Variants in RRM2 observed in about 807,000 individuals in gnomAD.
The protein encoded by RRM2 is ribonucleoside-diphosphate reductase subunit M2.
In RRM2, 6 loss-of-function variants were observed where a neutral mutation model predicts 45.9. The ratio of observed to expected loss-of-function variants is 0.13; its 90% CI spans 0.07 to 0.26. The LOEUF (loss-of-function observed/expected upper bound fraction) is 0.26. Ranked by LOEUF, RRM2 falls within the 10% of genes least tolerant of loss-of-function variation. The pLI is 1.00. For synonymous variants in RRM2, 177 were observed against 173.0 expected (o/e 1.02, Z -0.18); for missense variants, 343 against 489.5 (o/e 0.70, Z 2.82).
chr2:10,149,419 G>T (rs1423709273), intron 3 of RRM2, among the ~76,000 whole-genome samples: 3 of 152,156 alleles, frequency 2.0e-5, no homozygotes, highest in African/African-American at 7.2e-5. Flanking sequence ...GTGAGTCACT[G>T]CGCCCAGCCC....
At position 10,127,322 on chromosome 2, in the gene RRM2, C is replaced by T; in HGVS notation, c.798+102C>T. On this transcript the variant is annotated intron_variant, in intron 7 of 9. Coordinates refer to ENST00000304567, the MANE Select transcript of RRM2 (RefSeq NM_001034.4). This position sits in a 1 kb window ranked among gnomAD's most constrained non-coding sequence, Gnocchi z 4.1. ...ACCTGAGATGCTAGATGGCATATATCCACATTTAATGTGTGAGTTCAACCA... is the reference window on the plus strand; with the variant it reads ...ACCTGAGATGCTAGATGGCATATATTCACATTTAATGTGTGAGTTCAACCA... 1 of 1,190,948 alleles carries T rather than the reference C, an allele frequency of 8.4e-7. No individual in the cohort carries two copies. The highest frequency in any genetic ancestry group is 1.2e-6 in the Non-Finnish European group (1 of 841,822). 73.8% of individuals were successfully genotyped at this position (1,190,948 alleles called of 1,614,324 possible).
In RRM2 at chr2:10,163,929, G is replaced by A. The variant is rs111920105; in HGVS notation, n.482+21554G>A. 9.9e-3 allele frequency among the ~76,000 whole-genome samples: 1,511 copies of A among 152,266 alleles called. 32 individuals are homozygous for A. Among genetic ancestry groups the A allele is most frequent in the African/African-American group, 0.035 (1,442 of 41,542 alleles). On this transcript the variant is annotated intron_variant and non_coding_transcript_variant, in intron 3 of 3. Transcript: ENST00000381786. ...CATGAAAAAGATGACAGGAATGCCC[G>A]TTGTTCTTCCTATGGCATCAGGAAA...
At chr2:10,151,247 T>G (rs927651466) in intron 3 of RRM2, among the ~76,000 whole-genome samples, 2 of 152,236 alleles carry the variant, frequency 1.3e-5, no homozygotes, top group African/African-American at 4.8e-5. Context: ...TGGGGCTGTT[T>G]CCAGCTTTTG....
Position 10,123,456 on chromosome 2 carries a change from A to G in RRM2, c.244A>G (p.Ile82Val), listed in dbSNP as rs773664894. The change falls in exon 3 of 10, where the codon ATC becomes GTC. Residue 82 changes from isoleucine to valine, a missense_variant. By Grantham distance (29) the Ile-to-Val change is conservative. This residue lies in a region of RRM2 where 131 missense variants were observed against 121.4 expected (regional missense o/e 1.08). Transcript: ENST00000304567. Reference sequence around the variant, plus strand: ...GAGAGAAAACCCCCGCCGCTTTGTCATCTTCCCCATCGAGTACCATGATAT... The same window carrying G: ...GAGAGAAAACCCCCGCCGCTTTGTCGTCTTCCCCATCGAGTACCATGATAT... ...LLRENPRRFVIFPIEYHDIWQ... is the reference protein window; with the variant it reads ...LLRENPRRFVVFPIEYHDIWQ... 5.6e-6 allele frequency: 9 copies of G among 1,614,054 alleles called. No homozygotes were observed. The African/African-American group carries it at 1.1e-4, about 19-fold the overall frequency.
At chr2:10,170,433 G>A (rs1007560280) in intron 3 of RRM2, among the ~76,000 whole-genome samples, 4 of 152,158 alleles carry the variant, frequency 2.6e-5, no homozygotes, top group Non-Finnish European at 5.9e-5. Context: ...CTGGAACCAG[G>A]GGGGAATTTC....
Position 10,127,350 on chromosome 2 carries a change from C to T in RRM2, c.798+130C>T. ...CATTTAATGTGTGAGTTCAACCATA[C>T]ACATACTTGACAAAAGAAGGAAATA... On this transcript the variant is annotated intron_variant, in intron 7 of 9. Transcript: ENST00000304567. This position sits in a 1 kb window ranked among gnomAD's most constrained non-coding sequence, Gnocchi z 4.1. 1 of 858,916 alleles carries T rather than the reference C, an allele frequency of 1.2e-6. No homozygotes were observed. Among genetic ancestry groups the T allele is most frequent in the East Asian group, 2.6e-5 (1 of 38,052 alleles). 53.2% of individuals were successfully genotyped at this position (858,916 alleles called of 1,614,324 possible).
At chr2:10,128,275 CTT>C (rs1329734980) in intron 7 of RRM2, among the ~76,000 whole-genome samples, 1 of 152,106 alleles carries the variant, frequency 6.6e-6, no homozygotes, top group Non-Finnish European at 1.5e-5. Flanking sequence ...TAGTGTATGT[CTT>C]TGATTAAGTC....
chr2:10,133,836 A>G (rs1460979069), downstream of RRM2, among the ~76,000 whole-genome samples: 1 of 151,996 alleles, frequency 6.6e-6, no homozygotes, highest in Admixed American at 6.5e-5. Flanking sequence ...TAAGGAACCG[A>G]ACTCCTCTTG....
chr2:10,199,300 AG>A (rs1467200584), intron 3 of RRM2: 6 of 140,874 alleles, frequency 4.3e-5, no homozygotes, highest in African/African-American at 1.6e-4. Flanking sequence ...GGGGGGGGGA[AG>A]GAAAAGAAAA....
intron 3 of RRM2, among the ~76,000 whole-genome samples, chr2:10,194,550 C>T (rs1001839371): frequency 8.5e-5 from 13 of 152,252 alleles, no homozygotes; most frequent in East Asian, 3.9e-4. Context: ...TGCACTTCTC[C>T]GTCCTGCTTC....
chr2:10,179,306 C>A (rs1170403292), intron 3 of RRM2, among the ~76,000 whole-genome samples: 1 of 152,072 alleles, frequency 6.6e-6, no homozygotes, highest in Non-Finnish European at 1.5e-5. Context: ...CACATGCCAC[C>A]ACGCCCGGCT....
chr2:10,177,622 G>A (rs575864262), intron 3 of RRM2, among the ~76,000 whole-genome samples: 38 of 152,126 alleles, frequency 2.5e-4, no homozygotes, highest in African/African-American at 7.7e-4. Flanking sequence ...CACCACCACA[G>A]TTCCAATGCT....
chr2:10,210,516 T>A, exon 4 of RRM2: 1 of 1,367,348 alleles, frequency 7.3e-7, no homozygotes, highest in Non-Finnish European at 9.8e-7. Flanking sequence ...GCTCCAAGCT[T>A]CAGCATATCC....
intron 3 of RRM2, among the ~76,000 whole-genome samples, chr2:10,197,718 AG>A (rs1337115302): frequency 6.6e-6 from 1 of 152,186 alleles, no homozygotes; most frequent in East Asian, 1.9e-4. Flanking sequence ...GCAATACTAA[AG>A]ACCAACAGAT....
In RRM2 at chr2:10,204,423, C is replaced by T. The variant is rs552567005; in HGVS notation, n.483-5888C>T. Among the ~76,000 whole-genome samples, 162 of 152,244 alleles carry T rather than the reference C, an allele frequency of 1.1e-3. No individual in the cohort carries two copies. Among genetic ancestry groups the T allele is most frequent in the Non-Finnish European group, 1.8e-3 (125 of 67,996 alleles). On this transcript the variant is annotated intron_variant and non_coding_transcript_variant, in intron 3 of 3. Coordinates refer to the RRM2 transcript ENST00000381786. The surrounding 1 kb of genome is among the most constrained non-coding windows in gnomAD (Gnocchi z 4.0). ...AGAAAATGGGGAGGAGAGGGAGGAA[C>T]GGTTGGTGGGCAGCTGCCACTCTGT... is the stretch of plus-strand genomic sequence containing the variant.
chr2:10,141,512 C>T, exon 1 of RRM2: 2 of 301,788 alleles, frequency 6.6e-6, no homozygotes. Context: ...TCACTGCCAG[C>T]AGAGGTCTGG....
At position 10,204,915 on chromosome 2, in the gene RRM2, A is replaced by G. The variant is rs968426772; in HGVS notation, n.483-5396A>G. Among the ~76,000 whole-genome samples, 1 of 152,126 alleles carries G rather than the reference A, an allele frequency of 6.6e-6. No homozygotes were observed. The highest frequency in any genetic ancestry group is 6.6e-5 in the Admixed American group (1 of 15,264). On this transcript the variant is annotated intron_variant and non_coding_transcript_variant, in intron 3 of 3. Transcript: ENST00000381786. The surrounding 1 kb of genome is among the most constrained non-coding windows in gnomAD (Gnocchi z 4.0). ...CAGGTGCAGACCTTGGGTGGGTCCT[A>G]TGGGGTCCTACAGGAAGCATAGGCA...
chr2:10,127,299 C>G lies in RRM2; in HGVS notation c.798+79C>G, dbSNP rs984055180. On this transcript the variant is annotated intron_variant, in intron 7 of 9. Coordinates refer to ENST00000304567, the MANE Select transcript of RRM2 (RefSeq NM_001034.4). This position sits in a 1 kb window ranked among gnomAD's most constrained non-coding sequence, Gnocchi z 4.1. ...TGCTCTTGTGTTCACTGACGGGGAC[C>G]TGAGATGCTAGATGGCATATATCCA... The G allele has an allele frequency of 6.2e-6, 9 of 1,451,758 alleles. No homozygotes were observed. The African/African-American group carries it at 1.1e-4, about 18-fold the overall frequency. The allele number at this position is 1,451,758 out of a possible 1,614,324, so 89.9% of individuals were successfully genotyped here. A position where few individuals can be genotyped will look rare whatever the true frequency, so the allele number is the denominator to read the frequency against.
intron 3 of RRM2, 89 bp from the exon 4 acceptor site, chr2:10,123,647 C>G: frequency 7.0e-7 from 1 of 1,428,000 alleles, no homozygotes. Flanking sequence ...TAAGTGGTGC[C>G]AGCATACTTA....
Sources: allele counts gnomAD v4.1 joint callset (sites outside exome capture counted in the v4.1 genomes callset), GRCh38; gene constraint gnomAD v4.1.1; regional missense constraint gnomAD v4.1.1; non-coding constraint Gnocchi (gnomAD v3.1); transcripts MANE v1.5; gene names NCBI Gene and HGNC (gene_info 2026-07-23, HGNC 2026-07-21).